Variants in PODXL observed in about 807,000 individuals in gnomAD.
PODXL encodes podocalyxin.
PODXL carries 20 observed loss-of-function variants against 48.9 expected under a neutral mutation model. The ratio of observed to expected loss-of-function variants is 0.41; its 90% confidence interval spans 0.29 to 0.59. The LOEUF (loss-of-function observed/expected upper bound fraction) is 0.59, where lower values mean the gene tolerates loss of function less well. Among genes scored for constraint, PODXL ranks in the 20% least tolerant of loss-of-function variants. The pLI, the probability that PODXL is intolerant of heterozygous loss-of-function variation, is 0.31. For missense variants in PODXL, 606 were observed against 675.1 expected, an observed-to-expected ratio of 0.90 and a Z score of 1.13; for synonymous variants, 295 against 287.4, an observed-to-expected ratio of 1.03 and a Z score of -0.27.
At chr7:131,544,618 G>C (rs1798536294) in intron 1 of PODXL, among the ~76,000 whole-genome samples, 1 of 152,048 alleles carries the variant, frequency 6.6e-6, no homozygotes, top group East Asian at 1.9e-4. Flanking sequence ...ACAGGCCTGG[G>C]GAGGGAGCAG....
intron 1 of PODXL, among the ~76,000 whole-genome samples, chr7:131,516,829 A>G (rs1328451163): frequency 6.9e-6 from 1 of 145,572 alleles, no homozygotes; most frequent in East Asian, 2.1e-4. Flanking sequence ...TCCTGGGCTC[A>G]AGTGATCCTT....
At chr7:131,537,884 G>T (rs1798404782) in intron 1 of PODXL, among the ~76,000 whole-genome samples, 1 of 152,160 alleles carries the variant, frequency 6.6e-6, no homozygotes, top group Non-Finnish European at 1.5e-5. Flanking sequence ...CCTTCTCGTG[G>T]TGTGCGGTCG....
chr7:131,544,672 GTA>G (rs1468864089), intron 1 of PODXL, among the ~76,000 whole-genome samples: 4 of 90,258 alleles, frequency 4.4e-5, no homozygotes, highest in Admixed American at 1.3e-4. Context: ...CGCACGCCCT[GTA>G]CTACGCTTGG....
At chr7:131,540,379 G>A (rs986538809) in intron 1 of PODXL, among the ~76,000 whole-genome samples, 9 of 152,020 alleles carry the variant, frequency 5.9e-5, no homozygotes, top group Non-Finnish European at 8.8e-5. Flanking sequence ...AGGAGAGACA[G>A]ACTAGCCCAG....
At chr7:131,546,141 C>A (rs181798066) in intron 1 of PODXL, among the ~76,000 whole-genome samples, 184 of 152,330 alleles carry the variant, frequency 1.2e-3, no homozygotes, top group African/African-American at 4.3e-3. Flanking sequence ...GAAAGATCAA[C>A]ATCGTGTCAC....
chr7:131,546,835 CA>C (rs1408125124), intron 1 of PODXL, among the ~76,000 whole-genome samples: 5 of 151,584 alleles, frequency 3.3e-5, no homozygotes, highest in African/African-American at 4.9e-5. Flanking sequence ...AATAGGAAGG[CA>C]GGGGGCGCCA....
intron 1 of PODXL, among the ~76,000 whole-genome samples, chr7:131,538,933 A>G (rs1393289586): frequency 6.6e-6 from 1 of 152,086 alleles, no homozygotes; most frequent in African/African-American, 2.4e-5. Flanking sequence ...GGGCCTCCTA[A>G]TCCCTTCCCC....
intron 1 of PODXL, among the ~76,000 whole-genome samples, chr7:131,527,463 A>G (rs1798206175): frequency 6.6e-6 from 1 of 152,216 alleles, no homozygotes; most frequent in African/African-American, 2.4e-5. Flanking sequence ...AGGGGGAAAC[A>G]GGGAGATGCA....
rs1797903713 is a variant in PODXL, at chr7:131,511,039, A to G, written c.495T>C (p.Ser165=). The G allele has an allele frequency of 3.1e-6, 5 of 1,614,162 alleles. No homozygotes were observed. In the East Asian group the frequency reaches 1.1e-4, roughly 36 times the overall value. The change falls in exon 2 of 9, where the codon AGT becomes AGC. Residue 165 remains serine, a synonymous_variant. Transcript: ENST00000378555. ...TTNSGGKSSH[S]VTTDLTSTKA... ...TAGTGGATGTGAGGTCTGTGGTCAC[A>G]CTGTGGCTGCTTTTCCCCCCAGAGT...
At chr7:131,517,488 C>T (rs987091592) in intron 1 of PODXL, among the ~76,000 whole-genome samples, 6 of 152,196 alleles carry the variant, frequency 3.9e-5, no homozygotes, top group Admixed American at 1.3e-4. Flanking sequence ...CTCAGCGTTC[C>T]TTGAATGAAT....
chr7:131,544,069 A>G (rs1798524987), intron 1 of PODXL, among the ~76,000 whole-genome samples: 1 of 152,190 alleles, frequency 6.6e-6, no homozygotes. Context: ...CAGATGAGGA[A>G]ACTGAGGCCT....
chr7:131,521,514 T>C (rs1798092198), intron 1 of PODXL, among the ~76,000 whole-genome samples: 1 of 151,930 alleles, frequency 6.6e-6, no homozygotes, highest in Non-Finnish European at 1.5e-5. Flanking sequence ...GTTGTATTTT[T>C]AGTAGAGAAG....
intron 1 of PODXL, among the ~76,000 whole-genome samples, chr7:131,540,819 C>A (rs1798467483): frequency 6.6e-6 from 1 of 152,164 alleles, no homozygotes; most frequent in Non-Finnish European, 1.5e-5. Flanking sequence ...AACAAGGGCC[C>A]CGAGCCAGAG....
intron 1 of PODXL, among the ~76,000 whole-genome samples, chr7:131,524,158 G>A (rs964130118): frequency 1.4e-5 from 2 of 139,544 alleles, no homozygotes; most frequent in Admixed American, 6.7e-5. Context: ...AAACCTTTCA[G>A]CAAACCAGGA....
rs370451136 is a variant in PODXL at position 131,506,663 on chromosome 7, T to C, written c.1165A>G (p.Asn389Asp). The change falls in exon 6 of 9, where the codon AAC becomes GAC. Residue 389 changes from asparagine (N) to aspartate (D), a missense_variant. Physicochemically the swap from Asn to Asp is conservative, Grantham distance 23. Transcript: ENST00000378555. ...LICRAVKATF[N>D]PAQDKCGIRL... Reference sequence around the variant, plus strand: ...ATGCCGCACTTATCTTGGGCCGGGTTGAAGGTGGCTTTGACTGCTCGGCAT... The same window carrying C: ...ATGCCGCACTTATCTTGGGCCGGGTCGAAGGTGGCTTTGACTGCTCGGCAT... 20 of 1,614,228 alleles carry C rather than the reference T, an allele frequency of 1.2e-5. No homozygotes were observed. Among genetic ancestry groups the C allele is most frequent in the Non-Finnish European group, 1.7e-5 (20 of 1,180,036 alleles).
intron 1 of PODXL, among the ~76,000 whole-genome samples, chr7:131,534,190 C>G (rs1482865709): frequency 6.6e-6 from 1 of 152,174 alleles, no homozygotes; most frequent in African/African-American, 2.4e-5. Flanking sequence ...CCATGTGGCT[C>G]TTCCTTCTCA....
chr7:131,526,276 G>C (rs1472719368), intron 1 of PODXL, among the ~76,000 whole-genome samples: 1 of 152,122 alleles, frequency 6.6e-6, no homozygotes, highest in African/African-American at 2.4e-5. Flanking sequence ...GGGTCAACAG[G>C]AAAGAGCTCA....
intron 1 of PODXL, 53 bp downstream of exon 1, chr7:131,556,206 AG>A: frequency 2.9e-6 from 4 of 1,398,188 alleles, no homozygotes; most frequent in Admixed American, 3.3e-5. Flanking sequence ...TCGGCCGGGC[AG>A]GGGGCACATG....
chr7:131,510,511 A>AAAATAAAT (rs551667780), intron 2 of PODXL, among the ~76,000 whole-genome samples, 180 bp from the exon 3 acceptor site: 43 of 151,424 alleles, frequency 2.8e-4, no homozygotes, highest in African/African-American at 9.7e-4. Context: ...CTCCATCTCA[A>AAAATAAAT]AAATAAATAA....
Sources: gnomAD v4.1 joint callset for allele counts (sites outside exome capture counted in the v4.1 genomes callset) on GRCh38, gnomAD v4.1.1 for gene constraint, MANE v1.5 for transcripts, NCBI Gene and HGNC (gene_info 2026-07-23, HGNC 2026-07-21) for gene names.